The following TNS1 variants were observed in gnomAD, a reference collection of about 807,000 sequenced individuals.
TNS1 encodes the protein tensin-1.
In TNS1, 62 loss-of-function variants were observed where a neutral mutation model predicts 168.6. The observed-to-expected ratio is 0.37, with a 90% CI of 0.30 to 0.45. The LOEUF is 0.45. Among genes scored for constraint, TNS1 ranks in the 20% least tolerant of loss-of-function variants. TNS1 has a pLI of 1.00. For missense variants in TNS1, 2,240 were observed against 2,339.4 expected (o/e 0.96, Z 0.88); for synonymous variants, 934 against 933.2 (o/e 1.00, Z -0.02).
Position 217,946,961 on chromosome 2 carries a change from T to TCACACACA in TNS1, c.187-26726_187-26725insTGTGTGTG, listed in dbSNP as rs1363329507. 8.5e-3 allele frequency among the ~76,000 whole-genome samples: 1,136 copies of TCACACACA among 133,774 alleles called. 30 individuals carry two copies. The highest frequency in any genetic ancestry group is 0.036 in the African/African-American group (1,014 of 28,150). 87.8% of individuals were successfully genotyped at this position (133,774 alleles called of 152,430 possible). ...CGCTCTCTCTCTCTCTCTCTCTCTC[T>TCACACACA]CTCTCTCTCACACACACACACACAC... On this transcript the variant is annotated intron_variant, in intron 3 of 32. Transcript: ENST00000682258.
At chr2:218,019,080 A>G (rs1397907147) in intron 1 of TNS1, among the ~76,000 whole-genome samples, 3 of 147,346 alleles carry the variant, frequency 2.0e-5, no homozygotes, top group Non-Finnish European at 2.9e-5. Flanking sequence ...CCATCGCCCA[A>G]AAAAAAGAAA....
chr2:217,962,430 C>T (rs566162730), intron 3 of TNS1, among the ~76,000 whole-genome samples: 18 of 152,064 alleles, frequency 1.2e-4, no homozygotes, highest in South Asian at 2.1e-4. Context: ...GCAACAGGAG[C>T]GAAACTCCAT....
intron 1 of TNS1, among the ~76,000 whole-genome samples, chr2:217,996,747 G>A (rs560500411): frequency 9.7e-4 from 148 of 151,932 alleles, no homozygotes; most frequent in African/African-American, 3.2e-3. Context: ...CCTGGGCCCC[G>A]ACACCAGGCC....
intron 3 of TNS1, among the ~76,000 whole-genome samples, chr2:217,921,423 G>T (rs1955692277): frequency 1.3e-5 from 2 of 152,314 alleles, no homozygotes; most frequent in South Asian, 4.1e-4. Flanking sequence ...GCCCCAGCTG[G>T]TACTGACTGG....
At position 217,813,811 on chromosome 2, in the gene TNS1, C is replaced by A; in HGVS notation, c.4735G>T (p.Ala1579Ser). The change falls in exon 26 of 33, where the codon GCG becomes TCG. Residue 1579 changes from alanine to serine, a missense_variant. Around this residue, in one of 2 missense-constraint regions of TNS1, gnomAD observed 2,131 missense variants for 2,171.2 expected, o/e 0.98. Transcript: ENST00000682258. This position sits in a 1 kb window ranked among gnomAD's most constrained non-coding sequence, Gnocchi z 4.0. ...KPEISREQAIALLKDQEPGAF... is the reference protein window; with the variant it reads ...KPEISREQAISLLKDQEPGAF... The stretch of plus-strand genomic sequence containing the variant: ...CCCGGCTCCTGGTCCTTGAGGAGCG[C>A]GATGGCTGCATGGGGAAGGGACAAG... The A allele has an allele frequency of 1.2e-6, 2 of 1,608,238 alleles. No individual in the cohort carries two copies. The highest frequency in any genetic ancestry group is 1.7e-6 in the Non-Finnish European group (2 of 1,177,252).
intron 22 of TNS1, chr2:217,830,296 C>T: frequency 1.2e-6 from 2 of 1,600,020 alleles, no homozygotes; most frequent in Non-Finnish European, 1.7e-6. Context: ...GCCATGCCGA[C>T]ACTCTGAGTG....
intron 1 of TNS1, among the ~76,000 whole-genome samples, chr2:218,025,202 T>C (rs891170396): frequency 1.3e-5 from 2 of 152,056 alleles, no homozygotes; most frequent in Non-Finnish European, 1.5e-5. Flanking sequence ...GCAGACCTTC[T>C]GCTGCAGGAA....
chr2:217,927,670 T>C (rs1168863946), intron 3 of TNS1, among the ~76,000 whole-genome samples: 1 of 152,124 alleles, frequency 6.6e-6, no homozygotes, highest in Non-Finnish European at 1.5e-5. Flanking sequence ...GGGGCCCTCA[T>C]CTCCACTCTA....
At chr2:217,853,107 C>T (rs1375305300) in intron 18 of TNS1, among the ~76,000 whole-genome samples, 1 of 152,146 alleles carries the variant, frequency 6.6e-6, no homozygotes, top group Non-Finnish European at 1.5e-5. Context: ...ATTCCCTTCT[C>T]ACCATCCACC....
At chr2:217,939,445 C>A (rs561745069) in intron 3 of TNS1, among the ~76,000 whole-genome samples, 1 of 152,264 alleles carries the variant, frequency 6.6e-6, no homozygotes, top group South Asian at 2.1e-4. Flanking sequence ...AGGTGCAGGT[C>A]TGCCCTCAAG....
rs2126048635 is a variant in TNS1, at chr2:217,978,768, G to A, written c.183C>T (p.Ala61=). 2 of 702,228 alleles carry A rather than the reference G, an allele frequency of 2.8e-6. No homozygotes were observed. The highest frequency in any genetic ancestry group is 2.3e-4 in the Middle Eastern group (1 of 4,364). The allele number at this position is 702,228 out of a possible 1,614,324, so 43.5% of individuals were successfully genotyped here. ...CCGCCAGCCCGCGGCCCCTTACCTT[G>A]GCCTGGCATTTCCGATGACAGGAGA... ...CSFSCHRKCQ[A]KVAAPCVPPS... is the part of the protein sequence containing the mutation. Residue 61 remains alanine, a synonymous_variant, in exon 3 of 33, where the codon GCC becomes GCT. Coordinates refer to ENST00000682258, the MANE Select transcript of TNS1 (RefSeq NM_001387777.1).
chr2:217,867,147 C>T (rs1280785819), intron 18 of TNS1, among the ~76,000 whole-genome samples: 3 of 152,176 alleles, frequency 2.0e-5, no homozygotes, highest in Admixed American at 1.3e-4. Context: ...GGGTACCTAA[C>T]AGTATCTCAC....
intron 1 of TNS1, among the ~76,000 whole-genome samples, chr2:218,026,521 G>C (rs1474517225): frequency 6.6e-6 from 1 of 152,160 alleles, no homozygotes; most frequent in Non-Finnish European, 1.5e-5. Context: ...GCAAGTGAAA[G>C]CTCCTCTACC....
At chr2:218,004,196 G>A (rs968819515), upstream of TNS1, among the ~76,000 whole-genome samples, 2 of 152,188 alleles carry the variant, frequency 1.3e-5, no homozygotes, top group Non-Finnish European at 2.9e-5. Context: ...CACACACAAG[G>A]ACACAGTCCA....
At chr2:217,837,389 C>T (rs897194918) in intron 19 of TNS1, among the ~76,000 whole-genome samples, 11 of 152,230 alleles carry the variant, frequency 7.2e-5, no homozygotes, top group Non-Finnish European at 1.2e-4. Context: ...CCATAAACAG[C>T]GCCACCTGGG....
upstream of TNS1, among the ~76,000 whole-genome samples, chr2:218,012,247 AT>A (rs1958713078): frequency 6.6e-6 from 1 of 152,338 alleles, no homozygotes; most frequent in South Asian, 2.1e-4. Flanking sequence ...CACTTGTGGA[AT>A]TTCTAAAATA....
chr2:217,808,743 G>T, intron 30 of TNS1, 72 bp from the exon 31 acceptor site: 1 of 1,424,300 alleles, frequency 7.0e-7, no homozygotes, highest in Non-Finnish European at 9.9e-7. Context: ...TCCACCAGCA[G>T]GTCAGGCCAC....
intron 18 of TNS1, among the ~76,000 whole-genome samples, chr2:217,879,100 C>T (rs764681930): frequency 1.3e-5 from 2 of 152,198 alleles, no homozygotes; most frequent in Non-Finnish European, 2.9e-5. Flanking sequence ...TGGGCTGCCT[C>T]CCACTCTGAC....
At position 217,859,092 on chromosome 2, in the gene TNS1, C is replaced by A. The variant is rs565424962; in HGVS notation, c.1430-10005G>T. 5.7e-5 allele frequency: 10 copies of A among 174,756 alleles called. No homozygotes were observed. The South Asian group carries it at 1.3e-3, about 23-fold the overall frequency. The allele number at this position is 174,756 out of a possible 1,614,324, so 10.8% of individuals were successfully genotyped here. The stretch of plus-strand genomic sequence containing the variant: ...CCAGCCCAGTCCCAGTGTAGCCCAG[C>A]CCAGCCCCAGTCCCAAACCCATGGC... On this transcript the variant is annotated intron_variant, in intron 18 of 32. Transcript: ENST00000682258.
Sources: allele counts gnomAD v4.1 joint callset (sites outside exome capture counted in the v4.1 genomes callset), GRCh38; gene constraint gnomAD v4.1.1; regional missense constraint gnomAD v4.1.1; non-coding constraint Gnocchi (gnomAD v3.1); transcripts MANE v1.5; gene names NCBI Gene and HGNC (gene_info 2026-07-23, HGNC 2026-07-21).